CCDC88A: variants seen among roughly 807,000 people sequenced by gnomAD.
CCDC88A encodes girdin.
A neutral mutation model predicts 234.3 loss-of-function variants in CCDC88A; 54 were observed. The observed-to-expected ratio is 0.23, with a 90% CI of 0.19 to 0.29. CCDC88A has a LOEUF of 0.29. Among genes scored for constraint, CCDC88A ranks in the 10% least tolerant of loss-of-function variants. CCDC88A has a pLI of 1.00. For missense variants in CCDC88A, 1,832 were observed against 2,123.4 expected (o/e 0.86, Z 2.70); for synonymous variants, 753 against 737.8 (o/e 1.02, Z -0.33).
intron 7 of CCDC88A, among the ~76,000 whole-genome samples, chr2:55,361,419 T>G (rs1445946737): frequency 6.6e-6 from 1 of 152,188 alleles, no homozygotes; most frequent in Non-Finnish European, 1.5e-5. Context: ...TAAAAATGTT[T>G]ATTTTGTATA....
Position 55,288,524 on chromosome 2 carries a change from A to C in CCDC88A, c.*2676T>G, listed in dbSNP as rs1679219367. On this transcript the variant is annotated 3_prime_UTR_variant, in exon 33 of 33. Transcript: ENST00000436346. Reference sequence around the variant, plus strand: ...GCACAGGCTGTAGTACTTCATTGTGAGGTGGCTACAACTCTATAATATGCA... The same window carrying C: ...GCACAGGCTGTAGTACTTCATTGTGCGGTGGCTACAACTCTATAATATGCA... The C allele has an allele frequency of 6.5e-6, 1 of 152,684 alleles. No individual in the cohort carries two copies. The highest frequency in any genetic ancestry group is 1.5e-5 in the Non-Finnish European group (1 of 68,042). 9.5% of individuals were successfully genotyped at this position (152,684 alleles called of 1,614,324 possible).
intron 2 of CCDC88A, among the ~76,000 whole-genome samples, chr2:55,400,321 T>C (rs913910281): frequency 2.0e-5 from 3 of 152,158 alleles, no homozygotes; most frequent in African/African-American, 7.2e-5. Context: ...ACCTTTCCAA[T>C]CACACACAGC....
At chr2:55,370,791 T>C (rs185971239) in intron 5 of CCDC88A, among the ~76,000 whole-genome samples, 270 of 151,070 alleles carry the variant, frequency 1.8e-3, no homozygotes, top group African/African-American at 6.3e-3. Flanking sequence ...GAAGATCACT[T>C]GAGGTCAAGA....
chr2:55,401,494 G>T (rs28398296), intron 2 of CCDC88A, among the ~76,000 whole-genome samples: 1 of 7,464 alleles, frequency 1.3e-4, no homozygotes, highest in Admixed American at 3.2e-3. Context: ...ATGTGTGTGT[G>T]TATACATATA....
intron 2 of CCDC88A, among the ~76,000 whole-genome samples, chr2:55,413,972 A>C (rs1467067111): frequency 2.7e-5 from 4 of 150,762 alleles, no homozygotes; most frequent in Admixed American, 6.6e-5. Flanking sequence ...CAAAAACAAA[A>C]AAAAAAAACA....
Position 55,344,571 on chromosome 2 carries a change from C to G in CCDC88A, c.1042-57G>C, listed in dbSNP as rs996988109. 2.6e-5 allele frequency: 26 copies of G among 1,003,282 alleles called. No homozygotes were observed. In the African/African-American group the frequency reaches 4.0e-4, roughly 15 times the overall value. The allele number at this position is 1,003,282 out of a possible 1,614,324, so 62.1% of individuals were successfully genotyped here. A position where few individuals can be genotyped will look rare whatever the true frequency, so the allele number is the denominator to read the frequency against. On this transcript the variant is annotated intron_variant, in intron 10 of 32. Coordinates refer to ENST00000436346, the MANE Select transcript of CCDC88A (RefSeq NM_001365480.1). ...CTGTTAATTTTTTAAAGTTATGGAACATACAGATTATCATAAAACATTAAG... is the reference window on the plus strand; with the variant it reads ...CTGTTAATTTTTTAAAGTTATGGAAGATACAGATTATCATAAAACATTAAG...
At chr2:55,370,599 C>A (rs538578972) in intron 5 of CCDC88A, among the ~76,000 whole-genome samples, 1 of 137,544 alleles carries the variant, frequency 7.3e-6, no homozygotes, top group Non-Finnish European at 1.5e-5. Context: ...CAAGATAATA[C>A]CATTGCACTC....
rs1025207929 is a variant in CCDC88A, at chr2:55,382,779, T to C, written c.273+5999A>G. ...TAACCATAATGAAGTATATCTTTGA[T>C]AAACTTTCTGATAATCTAATGTTAC... On this transcript the variant is annotated intron_variant, in intron 3 of 32. Transcript: ENST00000436346. Among the ~76,000 whole-genome samples, 14 of 152,346 alleles carry C rather than the reference T, an allele frequency of 9.2e-5. 1 individual carries two copies. The highest frequency in any genetic ancestry group is 3.1e-4 in the African/African-American group (13 of 41,592).
rs556578861 is a variant in CCDC88A at position 55,401,848 on chromosome 2, G to A, written c.165-12962C>T. On this transcript the variant is annotated intron_variant, in intron 2 of 32. Transcript: ENST00000436346. The stretch of plus-strand genomic sequence containing the variant: ...TAGTTAGCCCAAGATTAAGCTAGCA[G>A]TAGGGCATGATATTCACTGATTTAA... 5.9e-5 allele frequency among the ~76,000 whole-genome samples: 9 copies of A among 152,170 alleles called. No individual in the cohort carries two copies. The South Asian group carries it at 1.9e-3, about 32-fold the overall frequency.
chr2:55,293,784 G>C lies in CCDC88A; in HGVS notation c.5551+1813C>G, dbSNP rs573156143. 6 of 152,058 alleles carry C rather than the reference G, an allele frequency of 3.9e-5. No individual in the cohort carries two copies. In the East Asian group the frequency reaches 1.2e-3, roughly 29 times the overall value. The allele number at this position is 152,058 out of a possible 1,614,324, so 9.4% of individuals were successfully genotyped here. On this transcript the variant is annotated intron_variant, in intron 31 of 32. Transcript: ENST00000436346. ...ATTTCTCTGGAAGTAAATGGATCAG[G>C]GTTATGGGTTTTTTTGTTTTTAGCA...
Position 55,334,163 on chromosome 2 carries a change from T to C in CCDC88A, c.2658A>G (p.Leu886=). 1 of 1,357,218 alleles carries C rather than the reference T, an allele frequency of 7.4e-7. No homozygotes were observed. The highest frequency in any genetic ancestry group is 2.6e-5 in the South Asian group (1 of 37,876). The allele number at this position is 1,357,218 out of a possible 1,614,324, so 84.1% of individuals were successfully genotyped here. Residue 886 remains leucine (L), a synonymous_variant, in exon 15 of 33, where the codon CTA becomes CTG. Transcript: ENST00000436346. This position sits in a 1 kb window ranked among gnomAD's most constrained non-coding sequence, Gnocchi z 6.1. ...YKESCVRLKE[L]EKENKELVKR... Reference sequence around the variant, plus strand: ...TCACAAGCTCCTTATTTTCTTTTTCTAGTTCTTTCAGACGGACACAAGATT... The same window carrying C: ...TCACAAGCTCCTTATTTTCTTTTTCCAGTTCTTTCAGACGGACACAAGATT...
chr2:55,366,586 T>C (rs1397476817), intron 5 of CCDC88A, among the ~76,000 whole-genome samples: 4 of 150,380 alleles, frequency 2.7e-5, no homozygotes, highest in Non-Finnish European at 4.4e-5. Context: ...CAAGATATGA[T>C]GTGGAAACTT....
At chr2:55,344,320 G>A (rs1668846382) in intron 11 of CCDC88A, 48 bp downstream of exon 11, 2 of 1,370,596 alleles carry the variant, frequency 1.5e-6, no homozygotes, top group Middle Eastern at 1.9e-4. Flanking sequence ...CTGAATCTTA[G>A]AAGTTTTCCT....
chr2:55,327,091 C>A (rs1290176365), intron 17 of CCDC88A, among the ~76,000 whole-genome samples: 1 of 151,906 alleles, frequency 6.6e-6, no homozygotes, highest in African/African-American at 2.4e-5. Context: ...AGACACAGTT[C>A]TAAAATTTAT....
intron 2 of CCDC88A, among the ~76,000 whole-genome samples, chr2:55,398,043 G>C (rs1245946812): frequency 6.6e-6 from 1 of 152,052 alleles, no homozygotes; most frequent in East Asian, 1.9e-4. Flanking sequence ...ATATTTGAGA[G>C]AAAAGTACTT....
At chr2:55,352,286 C>T (rs550965809) in intron 8 of CCDC88A, among the ~76,000 whole-genome samples, 10 of 152,026 alleles carry the variant, frequency 6.6e-5, no homozygotes, top group African/African-American at 2.4e-4. Flanking sequence ...AAAAATTAGC[C>T]AGGCGTGGTG....
intron 25 of CCDC88A, among the ~76,000 whole-genome samples, chr2:55,303,544 G>A (rs1264874687): frequency 6.6e-6 from 1 of 152,052 alleles, no homozygotes; most frequent in African/African-American, 2.4e-5. Flanking sequence ...AACATGCCTG[G>A]CTAATTTTGT....
intron 21 of CCDC88A, 86 bp from the exon 22 acceptor site, chr2:55,316,200 A>C (rs564577107): frequency 1.1e-4 from 53 of 492,880 alleles, no homozygotes; most frequent in Non-Finnish European, 1.6e-4. Flanking sequence ...TATAAATAAC[A>C]TTAAGGCATA....
intron 2 of CCDC88A, among the ~76,000 whole-genome samples, chr2:55,400,647 G>C (rs570194662): frequency 6.6e-6 from 1 of 152,280 alleles, no homozygotes; most frequent in African/African-American, 2.4e-5. Context: ...TCTGAGATTT[G>C]GTCCTTGTAT....
Sources: allele counts gnomAD v4.1 joint callset (sites outside exome capture counted in the v4.1 genomes callset), GRCh38; gene constraint gnomAD v4.1.1; non-coding constraint Gnocchi (gnomAD v3.1); transcripts MANE v1.5; gene names NCBI Gene and HGNC (gene_info 2026-07-23, HGNC 2026-07-21).